The following APBB2 variants were observed in gnomAD, a reference collection of about 807,000 sequenced individuals.
APBB2 encodes the protein amyloid beta precursor protein binding family B member 2, also known as Fe65-like 1.
APBB2 carries 38 observed loss-of-function variants against 82.5 expected under a neutral mutation model. That is an observed-to-expected ratio of 0.46 (90% CI 0.36 to 0.60). The LOEUF (loss-of-function observed/expected upper bound fraction) is 0.60, where lower values mean the gene tolerates loss of function less well. Ranked by LOEUF, APBB2 falls within the 20% of genes least tolerant of loss-of-function variation. APBB2 has a pLI of 0.00. For missense variants in APBB2, 772 were observed against 972.3 expected (o/e 0.79, Z 2.74); for synonymous variants, 341 against 368.2 (o/e 0.93, Z 0.85).
intron 1 of APBB2, among the ~76,000 whole-genome samples, chr4:41,171,059 G>C (rs536246803): frequency 9.2e-5 from 14 of 152,240 alleles, no homozygotes; most frequent in Non-Finnish European, 1.8e-4. Context: ...AACTCGCTAC[G>C]TCAGTTTCTC....
chr4:40,914,842 G>A (rs1312385501), intron 10 of APBB2, among the ~76,000 whole-genome samples: 2 of 152,176 alleles, frequency 1.3e-5, no homozygotes, highest in Non-Finnish European at 1.5e-5. Context: ...GGGGGGTGGT[G>A]CTTAATTACT....
chr4:40,996,459 T>C (rs1355429445), intron 6 of APBB2, among the ~76,000 whole-genome samples: 1 of 152,164 alleles, frequency 6.6e-6, no homozygotes, highest in Non-Finnish European at 1.5e-5. Context: ...GTGCAGAAAT[T>C]TGGTGTCCAG....
At chr4:40,827,908 G>T (rs1177769101) in intron 13 of APBB2, among the ~76,000 whole-genome samples, 1 of 152,116 alleles carries the variant, frequency 6.6e-6, no homozygotes, top group African/African-American at 2.4e-5. Flanking sequence ...GGACCTGGTG[G>T]AGATAACTGA....
chr4:40,933,450 T>C (rs189941840), intron 10 of APBB2, among the ~76,000 whole-genome samples: 21 of 152,262 alleles, frequency 1.4e-4, no homozygotes, highest in African/African-American at 4.6e-4. Flanking sequence ...TGTTGGGACA[T>C]GCTAGGTGCC....
intron 4 of APBB2, among the ~76,000 whole-genome samples, chr4:41,047,301 A>C (rs1411500729): frequency 6.6e-6 from 1 of 152,250 alleles, no homozygotes; most frequent in African/African-American, 2.4e-5. Context: ...ATCTCAAAGG[A>C]AACTCAAAGA....
intron 6 of APBB2, among the ~76,000 whole-genome samples, chr4:40,956,370 A>G (rs1172838298): frequency 6.6e-6 from 1 of 152,176 alleles, no homozygotes; most frequent in South Asian, 2.1e-4. Context: ...CGGCAGAAAC[A>G]CTGACTATGG....
chr4:40,964,990 C>T (rs527361928), intron 6 of APBB2, among the ~76,000 whole-genome samples: 4 of 151,934 alleles, frequency 2.6e-5, no homozygotes, highest in Non-Finnish European at 4.4e-5. Flanking sequence ...CGTGGTGGCA[C>T]GTGCCTGTAG....
chr4:41,047,294 T>C (rs1420124182), intron 4 of APBB2, among the ~76,000 whole-genome samples: 1 of 152,240 alleles, frequency 6.6e-6, no homozygotes, highest in African/African-American at 2.4e-5. Context: ...TAAAAGTATC[T>C]CAAAGGAAAC....
intron 1 of APBB2, among the ~76,000 whole-genome samples, chr4:41,192,136 TAAC>T (rs772899838): frequency 6.6e-6 from 1 of 152,168 alleles, no homozygotes; most frequent in Non-Finnish European, 1.5e-5. Context: ...AGTCAAGAGA[TAAC>T]AAATGTTGTT....
chr4:41,211,212 G>C (rs773760759), intron 1 of APBB2, among the ~76,000 whole-genome samples: 1 of 151,546 alleles, frequency 6.6e-6, no homozygotes, highest in Non-Finnish European at 1.5e-5. Context: ...CCAAGATCGC[G>C]CCACTACACT....
intron 6 of APBB2, among the ~76,000 whole-genome samples, chr4:40,954,268 T>A (rs1790991069): frequency 6.6e-6 from 1 of 152,116 alleles, no homozygotes; most frequent in African/African-American, 2.4e-5. Context: ...AAGTCTAAAT[T>A]TAGCAAGGTC....
chr4:40,863,818 C>T (rs1763369592), intron 12 of APBB2, among the ~76,000 whole-genome samples: 1 of 140,958 alleles, frequency 7.1e-6, no homozygotes, highest in Non-Finnish European at 1.5e-5. Flanking sequence ...CACTTGAACC[C>T]GAAAGGCAGA....
chr4:40,952,185 CAAAA>C (rs61159163), intron 6 of APBB2, among the ~76,000 whole-genome samples: 88 of 111,158 alleles, frequency 7.9e-4, no homozygotes, highest in African/African-American at 2.3e-3. Flanking sequence ...GACTCTGTCT[CAAAA>C]AAAAAAAAAA....
intron 12 of APBB2, among the ~76,000 whole-genome samples, chr4:40,834,860 A>C (rs1577805450): frequency 6.6e-6 from 1 of 152,308 alleles, no homozygotes; most frequent in East Asian, 1.9e-4. Flanking sequence ...ACAGAAAAGA[A>C]TCAAGTGGCG....
At chr4:41,102,412 C>G (rs1451545877) in intron 2 of APBB2, among the ~76,000 whole-genome samples, 5 of 152,188 alleles carry the variant, frequency 3.3e-5, no homozygotes, top group East Asian at 3.8e-4. Context: ...TCACCTATCC[C>G]CTGGGCATCA....
intron 14 of APBB2, 54 bp downstream of exon 14, chr4:40,827,078 C>G: frequency 6.5e-7 from 1 of 1,529,632 alleles, no homozygotes; most frequent in Middle Eastern, 1.8e-4. Context: ...AGCCTTCAGT[C>G]CTGGACCAGG....
At chr4:40,982,204 AAAAGAAAGAAAAGAAAGG>A (rs1798675854) in intron 6 of APBB2, among the ~76,000 whole-genome samples, 2 of 35,372 alleles carry the variant, frequency 5.7e-5, no homozygotes, top group African/African-American at 1.6e-4. Flanking sequence ...GGAAAGAAAG[AAAAGAAAGAAAAGAAAGG>A]AAAGAAAGAA....
chr4:41,211,505 C>T (rs1779316067), intron 1 of APBB2, among the ~76,000 whole-genome samples: 4 of 148,924 alleles, frequency 2.7e-5, no homozygotes, highest in South Asian at 4.3e-4. Flanking sequence ...TATTTTGAGA[C>T]GGAGTCTCAC....
At chr4:40,864,965 T>A (rs1323778828) in intron 12 of APBB2, among the ~76,000 whole-genome samples, 1 of 151,110 alleles carries the variant, frequency 6.6e-6, no homozygotes, top group Non-Finnish European at 1.5e-5. Context: ...TTCAAGCAAT[T>A]CTCCCATCTC....
Sources: allele counts gnomAD v4.1 joint callset (sites outside exome capture counted in the v4.1 genomes callset), GRCh38; gene constraint gnomAD v4.1.1; transcripts MANE v1.5; gene names NCBI Gene and HGNC (gene_info 2026-07-23, HGNC 2026-07-21).